Variants in VIPR2 observed in about 807,000 individuals in gnomAD.
VIPR2 encodes the protein vasoactive intestinal peptide receptor 2.
In VIPR2, 48 loss-of-function variants were observed where a neutral mutation model predicts 58.0. The ratio of observed to expected loss-of-function variants is 0.83; its 90% CI spans 0.66 to 1.05. The LOEUF is 1.05. VIPR2 is among the 50% of genes least tolerant of loss of function. The pLI is 0.00. For missense variants in VIPR2, 534 were observed against 558.0 expected, an observed-to-expected ratio of 0.96 and a Z score of 0.43; for synonymous variants, 243 against 235.2, an observed-to-expected ratio of 1.03 and a Z score of -0.30.
At chr7:159,069,779 C>A (rs10447497) in intron 4 of VIPR2, among the ~76,000 whole-genome samples, 3 of 151,762 alleles carry the variant, frequency 2.0e-5, no homozygotes, top group Non-Finnish European at 4.4e-5. Flanking sequence ...TTTTAGAGTA[C>A]CTTGTTTCTG....
intron 4 of VIPR2, among the ~76,000 whole-genome samples, chr7:159,081,851 A>G (rs921095363): frequency 6.6e-6 from 1 of 152,254 alleles, no homozygotes; most frequent in African/African-American, 2.4e-5. Flanking sequence ...GCAGCCAAAA[A>G]ACACATGAAA....
At chr7:159,050,962 G>A (rs1316709821) in intron 5 of VIPR2, among the ~76,000 whole-genome samples, 1 of 152,224 alleles carries the variant, frequency 6.6e-6, no homozygotes, top group Non-Finnish European at 1.5e-5. Flanking sequence ...CATCTTTAAT[G>A]TGGTGAGAGA....
At position 159,127,081 on chromosome 7, in the gene VIPR2, A is replaced by G. The variant is rs1032817555; in HGVS notation, c.151+15365T>C. ...GCCCCACAGCAGAGCGCGGTCTCCAAACGTGTTTAGAATGCTGCAGAGGAT... is the reference window on the plus strand; with the variant it reads ...GCCCCACAGCAGAGCGCGGTCTCCAGACGTGTTTAGAATGCTGCAGAGGAT... On this transcript the variant is annotated intron_variant, in intron 2 of 12. Transcript: ENST00000262178. This position sits in a 1 kb window ranked among gnomAD's most constrained non-coding sequence, Gnocchi z 4.6. 3.9e-5 allele frequency among the ~76,000 whole-genome samples: 6 copies of G among 152,318 alleles called. No homozygotes were observed. Among genetic ancestry groups the G allele is most frequent in the Non-Finnish European group, 8.8e-5 (6 of 68,024 alleles).
At chr7:159,121,230 C>G (rs1320995497) in intron 2 of VIPR2, among the ~76,000 whole-genome samples, 2 of 147,394 alleles carry the variant, frequency 1.4e-5, no homozygotes. Context: ...CCTTCCTCGT[C>G]GTGCGGGGCA....
At position 159,094,876 on chromosome 7, in the gene VIPR2, G is replaced by A. The variant is rs529283742; in HGVS notation, c.357+8881C>T. On this transcript the variant is annotated intron_variant, in intron 4 of 12. Coordinates refer to ENST00000262178, the MANE Select transcript of VIPR2 (RefSeq NM_003382.5). Reference sequence around the variant, plus strand: ...GAGCTTTTTATCCCATTGAGACCTAGTTCATGCACAGAGTTTAGGATTAAA... The same window carrying A: ...GAGCTTTTTATCCCATTGAGACCTAATTCATGCACAGAGTTTAGGATTAAA... Among the ~76,000 whole-genome samples, 58 of 152,320 alleles carry A rather than the reference G, an allele frequency of 3.8e-4. No homozygotes were observed. In the South Asian group the frequency reaches 0.012, roughly 30 times the overall value.
At position 159,142,419 on chromosome 7, in the gene VIPR2, T is replaced by C. The variant is rs760852793; in HGVS notation, c.151+27A>G. On this transcript the variant is annotated intron_variant, in intron 2 of 12. Transcript: ENST00000262178. ...TTCCCGGGTGAGAATGTCACGGGAG[T>C]TCTTACTCACCAAGCCTCTGCCTTA... The C allele has an allele frequency of 9.6e-6, 15 of 1,570,202 alleles. No individual in the cohort carries two copies. The South Asian group carries it at 1.7e-4, about 18-fold the overall frequency.
chr7:159,128,453 C>G lies in VIPR2; in HGVS notation c.151+13993G>C, dbSNP rs1448798310. ...TGTGTGTAAAAACCTCTGGGCCCCCCTGGCCACTCCCCTCCTGCCTTGGGC... is the reference window on the plus strand; with the variant it reads ...TGTGTGTAAAAACCTCTGGGCCCCCGTGGCCACTCCCCTCCTGCCTTGGGC... On this transcript the variant is annotated intron_variant, in intron 2 of 12. Coordinates refer to ENST00000262178, the MANE Select transcript of VIPR2 (RefSeq NM_003382.5). This position sits in a 1 kb window ranked among gnomAD's most constrained non-coding sequence, Gnocchi z 4.1. Among the ~76,000 whole-genome samples the G allele has an allele frequency of 6.6e-6, 1 of 152,186 alleles. No homozygotes were observed. Among genetic ancestry groups the G allele is most frequent in the African/African-American group, 2.4e-5 (1 of 41,458 alleles).
At chr7:159,116,912 T>C (rs1415012132) in intron 2 of VIPR2, 3 of 185,778 alleles carry the variant, frequency 1.6e-5, no homozygotes, top group African/African-American at 7.1e-5. Context: ...GATGACGTTA[T>C]AGGTGTTACT....
chr7:159,107,062 A>G (rs1304305351), intron 3 of VIPR2, among the ~76,000 whole-genome samples: 2 of 152,098 alleles, frequency 1.3e-5, no homozygotes, highest in Non-Finnish European at 2.9e-5. Flanking sequence ...CAGGATGACG[A>G]ATACTTGAAG....
intron 2 of VIPR2, among the ~76,000 whole-genome samples, chr7:159,113,117 G>T (rs1187445455): frequency 1.3e-5 from 2 of 152,168 alleles, no homozygotes; most frequent in Non-Finnish European, 2.9e-5. Context: ...ACTCAGAAAA[G>T]GAAACAGAAG....
chr7:159,053,677 T>G (rs1405395925), intron 5 of VIPR2, among the ~76,000 whole-genome samples: 1 of 152,216 alleles, frequency 6.6e-6, no homozygotes. Flanking sequence ...TAGCTGGAAC[T>G]GCAGGCATGT....
chr7:159,140,062 T>C (rs1797400804), intron 2 of VIPR2, among the ~76,000 whole-genome samples: 1 of 150,984 alleles, frequency 6.6e-6, no homozygotes, highest in Admixed American at 6.6e-5. Context: ...TCTGTCTGGA[T>C]TTACGTGTTT....
chr7:159,081,900 C>G (rs1395748492), intron 4 of VIPR2, among the ~76,000 whole-genome samples: 1 of 152,166 alleles, frequency 6.6e-6, no homozygotes, highest in Non-Finnish European at 1.5e-5. Flanking sequence ...AAATGCAAAT[C>G]AAAACCGCAA....
chr7:159,030,499 C>T lies in VIPR2; in HGVS notation c.*117G>A. 7.5e-7 allele frequency: 1 copy of T among 1,326,844 alleles called. No homozygotes were observed. Among genetic ancestry groups the T allele is most frequent in the Non-Finnish European group, 1.0e-6 (1 of 1,001,876 alleles). The allele number at this position is 1,326,844 out of a possible 1,614,324, so 82.2% of individuals were successfully genotyped here. ...GACAACCAGCTTGACGGAGTCAGGA[C>T]CGCGCTGACCTGCCCGACACGGTGC... On this transcript the variant is annotated 3_prime_UTR_variant, in exon 13 of 13. Transcript: ENST00000262178.
intron 6 of VIPR2, 27 bp from the exon 7 acceptor site, chr7:159,036,929 A>G: frequency 6.2e-7 from 1 of 1,601,074 alleles, no homozygotes; most frequent in Non-Finnish European, 8.5e-7. Flanking sequence ...GAGGAGAGGA[A>G]AGCATGACCT....
chr7:159,042,234 C>A (rs1854395774), intron 6 of VIPR2, among the ~76,000 whole-genome samples: 1 of 152,132 alleles, frequency 6.6e-6, no homozygotes, highest in South Asian at 2.1e-4. Flanking sequence ...GAGCTCCTGG[C>A]TCCTTAAGAA....
rs377245070 is a variant in VIPR2 at position 159,101,267 on chromosome 7, T to C, written c.357+2490A>G. The stretch of plus-strand genomic sequence containing the variant: ...AGTGAACGGGTCTCACGAGATCCGA[T>C]GAGGCGGTTCCCCCGACTGTTCCTG... On this transcript the variant is annotated intron_variant, in intron 4 of 12. Coordinates refer to ENST00000262178, the MANE Select transcript of VIPR2 (RefSeq NM_003382.5). 3.8e-3 allele frequency among the ~76,000 whole-genome samples: 315 copies of C among 83,092 alleles called. 2 individuals are homozygous for C. The highest frequency in any genetic ancestry group is 0.024 in the East Asian group (58 of 2,448). 54.5% of individuals were successfully genotyped at this position (83,092 alleles called of 152,430 possible).
Position 159,127,424 on chromosome 7 carries a change from A to G in VIPR2, c.151+15022T>C, listed in dbSNP as rs543418268. Among the ~76,000 whole-genome samples the G allele has an allele frequency of 6.6e-6, 1 of 152,326 alleles. No homozygotes were observed. Among genetic ancestry groups the G allele is most frequent in the South Asian group, 2.1e-4 (1 of 4,820 alleles). ...AATAACCAAAACTATTAAATGAACA[A>G]GAGGATTTTTCAAAGTAACGTTTAT... is the stretch of plus-strand genomic sequence containing the variant. On this transcript the variant is annotated intron_variant, in intron 2 of 12. Transcript: ENST00000262178. The surrounding 1 kb of genome is among the most constrained non-coding windows in gnomAD (Gnocchi z 4.6).
chr7:159,039,536 A>C (rs1854185729), intron 6 of VIPR2, among the ~76,000 whole-genome samples: 3 of 152,204 alleles, frequency 2.0e-5, no homozygotes, highest in African/African-American at 7.2e-5. Context: ...AATGGGCTGG[A>C]GGCTTCTTTA....
Sources: gnomAD v4.1 joint callset for allele counts (sites outside exome capture counted in the v4.1 genomes callset) on GRCh38, gnomAD v4.1.1 for gene constraint, Gnocchi (gnomAD v3.1) non-coding constraint, MANE v1.5 for transcripts, NCBI Gene and HGNC (gene_info 2026-07-23, HGNC 2026-07-21) for gene names.